The following API5 variants were observed in gnomAD, a reference collection of about 807,000 sequenced individuals.
The protein encoded by API5 is FIF.
Under a neutral mutation model 71.9 loss-of-function variants are expected in API5, and 6 were observed. The ratio of observed to expected loss-of-function variants is 0.08; its 90% confidence interval spans 0.05 to 0.16. The LOEUF (loss-of-function observed/expected upper bound fraction) is 0.16, where lower values mean the gene tolerates loss of function less well. API5 is among the 10% of genes least tolerant of loss of function. The pLI is 1.00. For synonymous variants in API5, 189 were observed against 221.3 expected (o/e 0.85, Z 1.30); for missense variants, 332 against 612.8 (o/e 0.54, Z 4.84).
chr11:43,326,156 A>G (rs1855064556), intron 6 of API5, among the ~76,000 whole-genome samples: 1 of 152,196 alleles, frequency 6.6e-6, no homozygotes, highest in Non-Finnish European at 1.5e-5. Flanking sequence ...TTAATAGTAT[A>G]AAAAAGACTG....
At chr11:43,333,389 C>T in intron 11 of API5, among the ~76,000 whole-genome samples, 1 of 152,066 alleles carries the variant, frequency 6.6e-6, no homozygotes, top group Non-Finnish European at 1.5e-5. Context: ...CAGAATTACA[C>T]CAAAGAATGC....
At chr11:43,319,292 G>A (rs1469944366) in intron 2 of API5, among the ~76,000 whole-genome samples, 2 of 152,036 alleles carry the variant, frequency 1.3e-5, no homozygotes, top group African/African-American at 4.8e-5. Flanking sequence ...GGGGTTTTTT[G>A]GAACAGAATT....
In API5 at chr11:43,312,052, T is replaced by A. The variant is rs542367637; in HGVS notation, c.-76T>A. ...GGTGTAATAGTGCGGGTAGTGGGTT[T>A]GGAGAAGTTCCGAGGCGGCGGTGGC... On this transcript the variant is annotated 5_prime_UTR_variant, in exon 1 of 14. Coordinates refer to ENST00000531273, the MANE Select transcript of API5 (RefSeq NM_001142930.2). 1.9e-4 allele frequency: 285 copies of A among 1,535,334 alleles called. No individual in the cohort carries two copies. Among genetic ancestry groups the A allele is most frequent in the Non-Finnish European group, 2.4e-4 (264 of 1,116,924 alleles).
At chr11:43,341,160 TA>T (rs1379167290) in intron 13 of API5, among the ~76,000 whole-genome samples, 1 of 152,170 alleles carries the variant, frequency 6.6e-6, no homozygotes, top group Non-Finnish European at 1.5e-5. Flanking sequence ...CCAATAAATG[TA>T]TGAAAAAATT....
rs1318969135 is a variant in API5, at chr11:43,316,748, G to C, written c.70-1892G>C. Among the ~76,000 whole-genome samples, 3 of 152,080 alleles carry C rather than the reference G, an allele frequency of 2.0e-5. No homozygotes were observed. In the East Asian group the frequency reaches 5.8e-4, roughly 29 times the overall value. On this transcript the variant is annotated intron_variant, in intron 1 of 13. Transcript: ENST00000531273. ...TGGCTTACCACAGCCTTTATCGCCT[G>C]GGCTCAAGTGATTCTCCTCCCTCAG...
intron 13 of API5, chr11:43,340,280 G>A: frequency 6.6e-6 from 2 of 300,778 alleles, no homozygotes; most frequent in South Asian, 2.8e-5. Flanking sequence ...AGAAATTGAA[G>A]GAGATACAAA....
chr11:43,335,776 C>T (rs1855413452), intron 12 of API5, 82 bp from the exon 13 acceptor site: 3 of 1,426,960 alleles, frequency 2.1e-6, no homozygotes, highest in Non-Finnish European at 2.8e-6. Context: ...TCTTTCCTAA[C>T]TGATATGCTA....
In API5 at chr11:43,336,014, T is replaced by C. The variant is rs1590270131; in HGVS notation, c.1492+20T>C. ...ATTATGGTGAGCGTTTCCGTTTGGG[T>C]ACAAGGAATATGAGAGATTAGGCAG... On this transcript the variant is annotated intron_variant, in intron 13 of 13. Transcript: ENST00000531273. 1.9e-6 allele frequency: 3 copies of C among 1,612,078 alleles called. No individual in the cohort carries two copies. Among genetic ancestry groups the C allele is most frequent in the East Asian group, 4.5e-5 (2 of 44,854 alleles).
intron 2 of API5, 59 bp from the exon 3 acceptor site, chr11:43,320,762 C>T (rs1854860954): frequency 2.4e-6 from 3 of 1,225,204 alleles, no homozygotes; most frequent in Non-Finnish European, 3.5e-6. Flanking sequence ...AAAGAAAAAG[C>T]TGTTTGTTAT....
chr11:43,322,032 G>A lies in API5; in HGVS notation c.439G>A (p.Val147Ile). 6.2e-7 allele frequency: 1 copy of A among 1,613,616 alleles called. No individual in the cohort carries two copies. The highest frequency in any genetic ancestry group is 2.2e-5 in the East Asian group (1 of 44,810). The change falls in exon 5 of 14, where the codon GTT (valine) becomes ATT (isoleucine). Residue 147 changes from valine to isoleucine, a missense_variant. Coordinates refer to ENST00000531273, the MANE Select transcript of API5 (RefSeq NM_001142930.2). ...CCAAATACTTCAAGGAGAGGACATT[G>A]TTAGAGAACGAGCAATTAAATTCCT... ...FSQILQGEDI[V>I]RERAIKFLST...
intron 1 of API5, among the ~76,000 whole-genome samples, chr11:43,316,388 GTT>G (rs35809844): frequency 5.1e-4 from 75 of 146,318 alleles, no homozygotes; most frequent in African/African-American, 7.5e-4. Context: ...TTTAAGCAGG[GTT>G]TTTTTTTTTT....
chr11:43,339,581 A>G (rs1465555194), intron 13 of API5, among the ~76,000 whole-genome samples: 1 of 152,214 alleles, frequency 6.6e-6, no homozygotes, highest in Admixed American at 6.5e-5. Context: ...GTACATCACA[A>G]GTGACTTGAT....
chr11:43,331,091 A>G (rs892750171), intron 11 of API5, among the ~76,000 whole-genome samples: 1 of 152,234 alleles, frequency 6.6e-6, no homozygotes, highest in Non-Finnish European at 1.5e-5. Context: ...AAAAAGAAAC[A>G]GTATTTGTAA....
chr11:43,335,071 C>T (rs1855385014), intron 11 of API5, among the ~76,000 whole-genome samples: 1 of 152,164 alleles, frequency 6.6e-6, no homozygotes, highest in South Asian at 2.1e-4. Flanking sequence ...AAATTAGCTA[C>T]ACTACAGTTT....
Position 43,316,715 on chromosome 11 carries a change from C to T in API5, c.70-1925C>T, listed in dbSNP as rs376789313. Reference sequence around the variant, plus strand: ...CTTACCACAGCCTCTAACTCCTGGGCGCGACCATGGCTTACCACAGCCTTT... The same window carrying T: ...CTTACCACAGCCTCTAACTCCTGGGTGCGACCATGGCTTACCACAGCCTTT... On this transcript the variant is annotated intron_variant, in intron 1 of 13. Coordinates refer to ENST00000531273, the MANE Select transcript of API5 (RefSeq NM_001142930.2). 3.9e-5 allele frequency among the ~76,000 whole-genome samples: 6 copies of T among 152,192 alleles called. No homozygotes were observed. In the East Asian group the frequency reaches 7.7e-4, roughly 20 times the overall value.
At position 43,344,035 on chromosome 11, in the gene API5, A is replaced by G. The variant is rs1278512731; in HGVS notation, c.*1525A>G. On this transcript the variant is annotated 3_prime_UTR_variant, in exon 14 of 14. Transcript: ENST00000531273. ...TGAGCAAAAGTTGGTCAGCTTGGCT[A>G]TGGAGTGGTGGCAATAATCTCTAAA... 4 of 152,618 alleles carry G rather than the reference A, an allele frequency of 2.6e-5. No individual in the cohort carries two copies. The highest frequency in any genetic ancestry group is 4.8e-5 in the African/African-American group (2 of 41,456). 9.5% of individuals were successfully genotyped at this position (152,618 alleles called of 1,614,324 possible).
chr11:43,326,646 C>A, intron 7 of API5, 35 bp downstream of exon 7: 3 of 1,164,178 alleles, frequency 2.6e-6, no homozygotes, highest in Non-Finnish European at 3.8e-6. Context: ...ACTGATAAGG[C>A]ATTCTTATAT....
At chr11:43,339,562 T>A (rs1855544661) in intron 13 of API5, among the ~76,000 whole-genome samples, 1 of 152,220 alleles carries the variant, frequency 6.6e-6, no homozygotes, top group African/African-American at 2.4e-5. Flanking sequence ...GATGAGAGAC[T>A]CTTGTTCTGT....
At chr11:43,330,153 A>G in intron 10 of API5, 95 bp downstream of exon 10, 3 of 949,522 alleles carry the variant, frequency 3.2e-6, no homozygotes, top group Non-Finnish European at 4.9e-6. Context: ...TATCTCACCT[A>G]ATTTAACAGT....
Sources: allele counts gnomAD v4.1 joint callset (sites outside exome capture counted in the v4.1 genomes callset), GRCh38; gene constraint gnomAD v4.1.1; transcripts MANE v1.5; gene names NCBI Gene and HGNC (gene_info 2026-07-23, HGNC 2026-07-21).